Variants in MAGI1 observed in about 807,000 individuals in gnomAD.
MAGI1 encodes the protein membrane associated guanylate kinase, WW and PDZ domain containing 1.
MAGI1 carries 58 observed loss-of-function variants against 139.9 expected under a neutral mutation model. That is an observed-to-expected ratio of 0.41 (90% CI 0.34 to 0.52). The LOEUF is 0.52. MAGI1 is among the 20% of genes least tolerant of loss of function. The probability of loss-of-function intolerance (pLI) is 0.12; values close to 1 mark genes in which losing one functional copy is unlikely to be tolerated. For synonymous variants in MAGI1, 812 were observed against 737.9 expected, an observed-to-expected ratio of 1.10 and a Z score of -1.63; for missense variants, 1,874 against 1,901.6, an observed-to-expected ratio of 0.99 and a Z score of 0.27.
intron 16 of MAGI1, chr3:65,380,657 G>A (rs1278156587): frequency 2.0e-5 from 3 of 151,956 alleles, no homozygotes; most frequent in East Asian, 1.9e-4. Context: ...GATTTGACAC[G>A]CCTTTTACAC....
chr3:65,497,917 A>G (rs998102627), intron 2 of MAGI1, among the ~76,000 whole-genome samples: 2 of 152,136 alleles, frequency 1.3e-5, no homozygotes, highest in African/African-American at 4.8e-5. Flanking sequence ...TCCACCCACA[A>G]AACGTTCAGG....
chr3:65,508,696 A>C (rs2077409611), intron 2 of MAGI1, among the ~76,000 whole-genome samples: 1 of 152,200 alleles, frequency 6.6e-6, no homozygotes, highest in Non-Finnish European at 1.5e-5. Flanking sequence ...CAGTCAATGA[A>C]TCTGTATTAG....
chr3:65,856,671 G>T (rs943655440), intron 1 of MAGI1, among the ~76,000 whole-genome samples: 1 of 152,110 alleles, frequency 6.6e-6, no homozygotes, highest in African/African-American at 2.4e-5. Context: ...ACATCATCAC[G>T]TGCTACACCT....
chr3:65,748,504 G>T (rs941190660), intron 1 of MAGI1, among the ~76,000 whole-genome samples: 2 of 152,164 alleles, frequency 1.3e-5, no homozygotes, highest in African/African-American at 2.4e-5. Context: ...GGAAAGTTAT[G>T]TATCTATTCA....
chr3:65,647,893 A>G (rs181353964), intron 1 of MAGI1, among the ~76,000 whole-genome samples: 1 of 152,322 alleles, frequency 6.6e-6, no homozygotes. Flanking sequence ...GGGACAGCAC[A>G]AGGCTCTCAC....
At chr3:65,635,849 G>A (rs2084585507) in intron 1 of MAGI1, among the ~76,000 whole-genome samples, 1 of 152,214 alleles carries the variant, frequency 6.6e-6, no homozygotes. Flanking sequence ...ACAGTTGGCT[G>A]GGGCCAGAGT....
chr3:65,460,131 T>C (rs916060547), intron 5 of MAGI1, among the ~76,000 whole-genome samples: 2 of 152,160 alleles, frequency 1.3e-5, no homozygotes, highest in Non-Finnish European at 2.9e-5. Context: ...GTCAAATGCT[T>C]TTTCTGCATC....
rs185044635 is a variant in MAGI1 at position 65,551,348 on chromosome 3, T to A, written c.431-57717A>T. On this transcript the variant is annotated intron_variant, in intron 2 of 22. Transcript: ENST00000402939. ...CGGAGTCTCACACGGTCACCCAGGC[T>A]GGAGTGCAGTCGCATGATCTTGGCT... is the stretch of plus-strand genomic sequence containing the variant. Among the ~76,000 whole-genome samples, 5 of 152,336 alleles carry A rather than the reference T, an allele frequency of 3.3e-5. No individual in the cohort carries two copies. In the East Asian group the frequency reaches 9.7e-4, roughly 29 times the overall value.
intron 8 of MAGI1, among the ~76,000 whole-genome samples, chr3:65,441,515 T>G (rs917491951): frequency 1.3e-5 from 2 of 152,126 alleles, no homozygotes; most frequent in Non-Finnish European, 2.9e-5. Context: ...GATGGAGAAG[T>G]GTGTGGTAAG....
intron 1 of MAGI1, among the ~76,000 whole-genome samples, chr3:65,997,145 G>A (rs1283657401): frequency 6.6e-6 from 1 of 152,102 alleles, no homozygotes; most frequent in East Asian, 1.9e-4. Context: ...ACTTAAAAAT[G>A]CATCTATGTA....
chr3:65,474,677 C>G (rs1950764772), intron 4 of MAGI1, among the ~76,000 whole-genome samples: 1 of 152,044 alleles, frequency 6.6e-6, no homozygotes, highest in African/African-American at 2.4e-5. Flanking sequence ...GTGACTTCAA[C>G]AACATAAGCC....
At chr3:65,896,461 G>A (rs776392682) in intron 1 of MAGI1, among the ~76,000 whole-genome samples, 1 of 152,124 alleles carries the variant, frequency 6.6e-6, no homozygotes, top group Non-Finnish European at 1.5e-5. Context: ...AGAAAACTAC[G>A]AATCATGTGG....
At chr3:65,700,600 C>G (rs1161140398) in intron 1 of MAGI1, among the ~76,000 whole-genome samples, 1 of 151,930 alleles carries the variant, frequency 6.6e-6, no homozygotes, top group African/African-American at 2.4e-5. Context: ...CCATGGCTGC[C>G]CTGGATCTAC....
intron 1 of MAGI1, among the ~76,000 whole-genome samples, chr3:66,023,110 C>G (rs531247121): frequency 6.6e-6 from 1 of 152,268 alleles, no homozygotes; most frequent in African/African-American, 2.4e-5. Context: ...TCGGGGCATA[C>G]AGTAGTCTAA....
intron 1 of MAGI1, among the ~76,000 whole-genome samples, chr3:65,879,863 C>T (rs1575820198): frequency 6.6e-6 from 1 of 152,312 alleles, no homozygotes; most frequent in Admixed American, 6.5e-5. Context: ...GTCTGATGAA[C>T]TCTGAAGCCC....
chr3:65,612,053 T>G (rs985240642), intron 2 of MAGI1, among the ~76,000 whole-genome samples: 2 of 152,078 alleles, frequency 1.3e-5, no homozygotes, highest in Non-Finnish European at 2.9e-5. Flanking sequence ...TATACTTTAA[T>G]GAACACGATC....
chr3:65,687,266 T>G, intron 1 of MAGI1: 1 of 187,146 alleles, frequency 5.3e-6, no homozygotes, highest in Non-Finnish European at 1.2e-5. Flanking sequence ...GAGGAAGGGG[T>G]GATTGATGCG....
At chr3:66,033,423 G>C (rs529648377) in intron 1 of MAGI1, among the ~76,000 whole-genome samples, 1 of 152,186 alleles carries the variant, frequency 6.6e-6, no homozygotes, top group Admixed American at 6.5e-5. Context: ...TATAAATCAG[G>C]GTCTACCCAC....
intron 12 of MAGI1, among the ~76,000 whole-genome samples, chr3:65,424,783 A>G (rs778936664): frequency 1.3e-5 from 2 of 152,226 alleles, no homozygotes; most frequent in Non-Finnish European, 2.9e-5. Context: ...CATCCAACTT[A>G]TAGGTCAAAG....
Sources: gnomAD v4.1 joint callset for allele counts (sites outside exome capture counted in the v4.1 genomes callset) on GRCh38, gnomAD v4.1.1 for gene constraint, MANE v1.5 for transcripts, NCBI Gene and HGNC (gene_info 2026-07-23, HGNC 2026-07-21) for gene names.